Variants in PPP6R2 observed in about 807,000 individuals in gnomAD.
The protein encoded by PPP6R2 is protein phosphatase 6 regulatory subunit 2.
PPP6R2 carries 62 observed loss-of-function variants against 100.2 expected under a neutral mutation model. That is an observed-to-expected ratio of 0.62 (90% confidence interval 0.50 to 0.76). PPP6R2 has a LOEUF of 0.76. Ranked by LOEUF, PPP6R2 falls within the 30% of genes least tolerant of loss-of-function variation. The pLI is 0.00. For missense variants in PPP6R2, 1,142 were observed against 1,276.3 expected (o/e 0.89, Z 1.60); for synonymous variants, 525 against 514.7 (o/e 1.02, Z -0.27).
chr22:50,388,393 CAAA>C (rs745823253), intron 2 of PPP6R2, among the ~76,000 whole-genome samples: 34 of 126,438 alleles, frequency 2.7e-4, no homozygotes, highest in African/African-American at 9.5e-4. Flanking sequence ...GACCCTATCT[CAAA>C]AAAAAAAAAA....
chr22:50,342,402 A>C (rs2042501239), upstream of PPP6R2, among the ~76,000 whole-genome samples: 1 of 152,244 alleles, frequency 6.6e-6, no homozygotes, highest in South Asian at 2.1e-4. Context: ...GCTGCTGACC[A>C]GGGCAGGGGA....
intron 2 of PPP6R2, among the ~76,000 whole-genome samples, chr22:50,374,414 A>G (rs1602576516): frequency 1.3e-5 from 2 of 152,202 alleles, no homozygotes; most frequent in Admixed American, 6.6e-5. Flanking sequence ...GTAAAGTGAA[A>G]CACAGTGAAA....
chr22:50,341,020 C>T (rs2042364430), upstream of PPP6R2, among the ~76,000 whole-genome samples: 1 of 152,118 alleles, frequency 6.6e-6, no homozygotes, highest in African/African-American at 2.4e-5. Context: ...AAGTGATTCT[C>T]CTGCCTCAGC....
chr22:50,430,919 G>A (rs184230628), intron 10 of PPP6R2, among the ~76,000 whole-genome samples: 72 of 151,718 alleles, frequency 4.7e-4, no homozygotes, highest in Middle Eastern at 3.4e-3. Flanking sequence ...GTAGAAAGGT[G>A]ATGATTCAGA....
At chr22:50,348,069 G>T (rs761881407) in intron 1 of PPP6R2, among the ~76,000 whole-genome samples, 23 of 152,318 alleles carry the variant, frequency 1.5e-4, no homozygotes, top group Non-Finnish European at 3.1e-4. Flanking sequence ...AGGCCCTGAA[G>T]TGGGAAATTT....
At chr22:50,341,780 G>A (rs1377915086), upstream of PPP6R2, among the ~76,000 whole-genome samples, 1 of 152,058 alleles carries the variant, frequency 6.6e-6, no homozygotes, top group Non-Finnish European at 1.5e-5. Flanking sequence ...GGATCACGAG[G>A]TCAGGAGATC....
chr22:50,411,906 G>A (rs887390280), intron 4 of PPP6R2, among the ~76,000 whole-genome samples: 5 of 151,766 alleles, frequency 3.3e-5, no homozygotes, highest in Admixed American at 6.6e-5. Flanking sequence ...TTGGCTGGAC[G>A]TAGTGATGGG....
Position 50,423,547 on chromosome 22 carries a change from T to G in PPP6R2, c.1058T>G (p.Leu353Arg). 1 of 1,614,224 alleles carries G rather than the reference T, an allele frequency of 6.2e-7. No homozygotes were observed. The highest frequency in any genetic ancestry group is 8.5e-7 in the Non-Finnish European group (1 of 1,180,046). The change falls in exon 10 of 24, where the codon CTG becomes CGG. Residue 353 changes from leucine (L) to arginine (R), a missense_variant. Coordinates refer to ENST00000612753, the MANE Select transcript of PPP6R2 (RefSeq NM_001242898.2). This position sits in a 1 kb window ranked among gnomAD's most constrained non-coding sequence, Gnocchi z 4.8. ...CATGGCGCCCGCCTCATGGCAGCAC[T>G]GCTGCACACAAACACACCCAGCATC... ...RLHGARLMAA[L>R]LHTNTPSINQ...
At chr22:50,364,508 T>C (rs886408621) in intron 1 of PPP6R2, among the ~76,000 whole-genome samples, 2 of 152,148 alleles carry the variant, frequency 1.3e-5, no homozygotes, top group Non-Finnish European at 2.9e-5. Flanking sequence ...TATGTCCTTC[T>C]CTAGACTTCA....
chr22:50,430,928 G>C (rs1442591181), intron 10 of PPP6R2, among the ~76,000 whole-genome samples: 1 of 151,170 alleles, frequency 6.6e-6, no homozygotes, highest in African/African-American at 2.4e-5. Flanking sequence ...TGATGATTCA[G>C]ATTGAAGCAG....
At chr22:50,381,114 CAAAA>C (rs768271991) in intron 2 of PPP6R2, among the ~76,000 whole-genome samples, 3 of 112,952 alleles carry the variant, frequency 2.7e-5, no homozygotes, top group African/African-American at 3.1e-5. Context: ...AACTTTGTCT[CAAAA>C]AAAAAAAAAA....
rs911394210 is a variant in PPP6R2, at chr22:50,418,547, C to T, written c.619-320C>T. Among the ~76,000 whole-genome samples the T allele has an allele frequency of 7.2e-5, 11 of 151,974 alleles. No homozygotes were observed. The South Asian group carries it at 8.3e-4, about 12-fold the overall frequency. ...GACTACAGGCACCCGCCACCACGCC[C>T]GGCTAATTTTTTGTATTTTTAGTAG... On this transcript the variant is annotated intron_variant, in intron 6 of 23. Coordinates refer to ENST00000612753, the MANE Select transcript of PPP6R2 (RefSeq NM_001242898.2).
In PPP6R2 at chr22:50,394,110, G is replaced by C. The variant is rs764132482; in HGVS notation, c.202G>C (p.Asp68His). 3.1e-6 allele frequency: 5 copies of C among 1,614,124 alleles called. No individual in the cohort carries two copies. In the South Asian group the frequency reaches 5.5e-5, roughly 18 times the overall value. Residue 68 changes from aspartate to histidine, a missense_variant, in exon 3 of 24, where the codon GAC becomes CAC. By Grantham distance (81) the Asp-to-His change is moderately conservative. Coordinates refer to ENST00000612753, the MANE Select transcript of PPP6R2 (RefSeq NM_001242898.2). The stretch of plus-strand genomic sequence containing the variant: ...CCTCATCACACAGGATCCGCCCCTG[G>C]ACATGGAGGAGAAGGTCCGCTTCAA... Reference protein sequence around the residue: ...VSLITQDPPLDMEEKVRFKYP... With the variant: ...VSLITQDPPLHMEEKVRFKYP...
chr22:50,356,703 G>T (rs1296604935), intron 1 of PPP6R2, among the ~76,000 whole-genome samples: 1 of 152,002 alleles, frequency 6.6e-6, no homozygotes, highest in Non-Finnish European at 1.5e-5. Flanking sequence ...AAAGGAGGCC[G>T]AGGCGGGTGG....
the PPP6R2 span, among the ~76,000 whole-genome samples, chr22:50,333,400 A>ATGTG: frequency 8.7e-3 from 1,312 of 150,008 alleles, 6 homozygotes; most frequent in Non-Finnish European, 0.013. Context: ...GCAGTGGCAC[A>ATGTG]ATCTTGGCTC....
the PPP6R2 span, among the ~76,000 whole-genome samples, chr22:50,336,176 G>C: frequency 6.6e-6 from 1 of 151,348 alleles, no homozygotes; most frequent in Non-Finnish European, 1.5e-5. Flanking sequence ...TTTTAGTAGA[G>C]ACGCGGTTTC....
Position 50,444,046 on chromosome 22 carries a change from C to T in PPP6R2, c.2760C>T (p.Pro920=). 3 of 1,613,154 alleles carry T rather than the reference C, an allele frequency of 1.9e-6. No homozygotes were observed. The highest frequency in any genetic ancestry group is 2.5e-6 in the Non-Finnish European group (3 of 1,179,772). ...CTTCTGCACTGGCCGTGGCGGTCCC[C>T]CTAGGGCCCATCATGGCAGTCACAG... The part of the protein sequence containing the change: ...AVSSALAVAV[P]LGPIMAVTAA... The change falls in exon 23 of 24, where the codon CCC becomes CCT. Residue 920 remains proline (P), a synonymous_variant. Coordinates refer to ENST00000612753, the MANE Select transcript of PPP6R2 (RefSeq NM_001242898.2).
Position 50,370,501 on chromosome 22 carries a change from C to A in PPP6R2, c.-147-1519C>A, listed in dbSNP as rs550305958. ...ATGGGGTTTCACTATGTTGGCCAGACTGGTCTCGAATGCCTGACCTCGTGA... is the reference window on the plus strand; with the variant it reads ...ATGGGGTTTCACTATGTTGGCCAGAATGGTCTCGAATGCCTGACCTCGTGA... On this transcript the variant is annotated intron_variant, in intron 1 of 23. Coordinates refer to ENST00000612753, the MANE Select transcript of PPP6R2 (RefSeq NM_001242898.2). Among the ~76,000 whole-genome samples, 750 of 151,796 alleles carry A rather than the reference C, an allele frequency of 4.9e-3. 4 individuals carry two copies. Among genetic ancestry groups the A allele is most frequent in the Non-Finnish European group, 7.6e-3 (515 of 67,916 alleles).
chr22:50,439,884 C>T, intron 20 of PPP6R2, 27 bp downstream of exon 20: 1 of 1,608,402 alleles, frequency 6.2e-7, no homozygotes, highest in Non-Finnish European at 8.5e-7. Flanking sequence ...CAGGAGGGGG[C>T]TGTGCCAGGA....
Sources: gnomAD v4.1 joint callset for allele counts (sites outside exome capture counted in the v4.1 genomes callset) on GRCh38, gnomAD v4.1.1 for gene constraint, Gnocchi (gnomAD v3.1) non-coding constraint, MANE v1.5 for transcripts, NCBI Gene and HGNC (gene_info 2026-07-23, HGNC 2026-07-21) for gene names.